Variants in ESX1 observed in about 807,000 individuals in gnomAD.
ESX1 encodes the protein ESX homeobox 1.
A neutral mutation model predicts 13.2 loss-of-function variants in ESX1; 2 were observed. That is an observed-to-expected ratio of 0.15 (90% CI 0.06 to 0.48). The LOEUF is 0.48. Among genes scored for constraint, ESX1 ranks in the 20% least tolerant of loss-of-function variants. The probability of loss-of-function intolerance (pLI) is 0.97; values close to 1 mark genes in which losing one functional copy is unlikely to be tolerated. For synonymous variants in ESX1, 157 were observed against 163.1 expected, an observed-to-expected ratio of 0.96 and a Z score of 0.29; for missense variants, 307 against 379.0, an observed-to-expected ratio of 0.81 and a Z score of 1.58.
intron 2 of ESX1, 76 bp downstream of exon 2, chrX:104,254,078 G>C: frequency 9.0e-7 from 1 of 1,113,175 alleles, no homozygotes. Context: ...CAGCGCCCGT[G>C]AGCCCCCTAC....
At position 104,254,538 on chromosome X, in the gene ESX1, C is replaced by T. The variant is rs1556395483; in HGVS notation, c.122G>A (p.Gly41Glu). Residue 41 changes from glycine to glutamate, a missense_variant, in exon 2 of 4, where the codon GGA becomes GAA. Around this residue, in one of 3 missense-constraint regions of ESX1, gnomAD observed 152 missense variants for 114.5 expected, o/e 1.33. Transcript: ENST00000372588. ...LTVTSLMARG[G>E]EDEENTRSKP... ...GGACCGTGTATTCTCCTCGTCCTCT[C>T]CTCCCCTTGCCATCAGCGAGGTCAC... The T allele has an allele frequency of 7.4e-6, 9 of 1,208,621 alleles. No homozygotes were observed. The highest frequency in any genetic ancestry group is 1.8e-5 in the South Asian group (1 of 56,784).
chrX:104,250,773 C>A lies in ESX1; in HGVS notation c.676G>T (p.Ala226Ser). The change falls in exon 4 of 4, where the codon GCT (alanine) becomes TCT (serine). Residue 226 changes from alanine to serine, a missense_variant. Physicochemically the swap from Ala to Ser is moderately conservative, Grantham distance 99 (BLOSUM62 1). Coordinates refer to ENST00000372588, the MANE Select transcript of ESX1 (RefSeq NM_153448.4). ...DMFLGGAYYA[A>S]PALDPALCVH... ...CACAAAGCAGGATCCAGAGCAGGAGCAGCATAATAGGCCCCACCCAAGAAC... is the reference window on the plus strand; with the variant it reads ...CACAAAGCAGGATCCAGAGCAGGAGAAGCATAATAGGCCCCACCCAAGAAC... 8.3e-7 allele frequency: 1 copy of A among 1,211,585 alleles called. No homozygotes were observed. Among genetic ancestry groups the A allele is most frequent in the Non-Finnish European group, 1.1e-6 (1 of 895,459 alleles).
At position 104,250,493 on chromosome X, in the gene ESX1, G is replaced by T; in HGVS notation, c.956C>A (p.Ala319Glu). ...CATGGGCGGCCCGGGTGGCACAGGC[G>T]CCATGGGCGGCCCGGTTGGCACAGG... Reference protein sequence around the residue: ...MAPVPTGPPMAPVPPGPPMAR... With the variant: ...MAPVPTGPPMEPVPPGPPMAR... Residue 319 changes from alanine to glutamate, a missense_variant, in exon 4 of 4, where the codon GCG (alanine) becomes GAG (glutamate). Physicochemically the swap from Ala to Glu is moderately radical, Grantham distance 107. Coordinates refer to ENST00000372588, the MANE Select transcript of ESX1 (RefSeq NM_153448.4). 1.0e-6 allele frequency: 1 copy of T among 994,798 alleles called. No individual in the cohort carries two copies. Among genetic ancestry groups the T allele is most frequent in the Non-Finnish European group, 1.3e-6 (1 of 788,814 alleles). The allele number at this position is 994,798 out of a possible 1,213,427, so 82.0% of individuals were successfully genotyped here. A position where few individuals can be genotyped will look rare whatever the true frequency, so the allele number is the denominator to read the frequency against.
rs1556394130 is a variant in ESX1, at chrX:104,250,763, A to G, written c.686T>C (p.Leu229Pro). The G allele has an allele frequency of 2.5e-6, 3 of 1,211,926 alleles. No homozygotes were observed. The highest frequency in any genetic ancestry group is 3.3e-6 in the Non-Finnish European group (3 of 895,558). ...CAGATGAACACACAAAGCAGGATCC[A>G]GAGCAGGAGCAGCATAATAGGCCCC... The part of the protein sequence containing the change: ...LGGAYYAAPA[L>P]DPALCVHLVP... The change falls in exon 4 of 4, where the codon CTG (leucine) becomes CCG (proline). Residue 229 changes from leucine (L) to proline (P), a missense_variant. By Grantham distance (98) the Leu-to-Pro change is moderately conservative. Around this residue, in one of 3 missense-constraint regions of ESX1, gnomAD observed 108 missense variants for 147.5 expected, o/e 0.73. Transcript: ENST00000372588.
intron 3 of ESX1, among the ~76,000 whole-genome samples, chrX:104,251,689 A>AT (rs1289618748): frequency 3.3e-4 from 37 of 112,425 alleles, no homozygotes; most frequent in Admixed American, 3.2e-3. Flanking sequence ...AAAATTAGTC[A>AT]TAACTGCCTG....
At chrX:104,251,016 TTTCTTA>T (rs1450121346) in intron 3 of ESX1, 120 bp from the exon 4 acceptor site, 1 of 629,120 alleles carries the variant, frequency 1.6e-6, no homozygotes, top group Non-Finnish European at 2.4e-6. Context: ...GTGAAGCTAT[TTTCTTA>T]TTGCTGAAAT....
In ESX1 at chrX:104,252,819, A is replaced by T; in HGVS notation, c.516T>A (p.Leu172=). Reference sequence around the variant, plus strand: ...CTTCAGTCAAATTCAGGCGTGCTGCAAGTCTCTCTCTTAGGGGAGAAAATT... The same window carrying T: ...CTTCAGTCAAATTCAGGCGTGCTGCTAGTCTCTCTCTTAGGGGAGAAAATT... The part of the protein sequence containing the change: ...QYPDVVARER[L]AARLNLTEDR... Residue 172 remains leucine, a synonymous_variant, in exon 3 of 4, where the codon CTT becomes CTA. Transcript: ENST00000372588. The T allele has an allele frequency of 8.3e-7, 1 of 1,209,096 alleles. No homozygotes were observed. Among genetic ancestry groups the T allele is most frequent in the Non-Finnish European group, 1.1e-6 (1 of 893,234 alleles).
In ESX1 at chrX:104,250,614, C is replaced by T. The variant is rs782584621; in HGVS notation, c.835G>A (p.Gly279Ser). The change falls in exon 4 of 4, where the codon GGC becomes AGC. Residue 279 changes from glycine to serine, a missense_variant. Physicochemically the swap from Gly to Ser is moderately conservative, Grantham distance 56. This residue lies in a region of ESX1 where 108 missense variants were observed against 147.5 expected (regional missense o/e 0.73). Transcript: ENST00000372588. ...PMPPMAPVPPGSRMAPVPPGP... is the reference protein window; with the variant it reads ...PMPPMAPVPPSSRMAPVPPGP... ...GGTGGCACAGGCGCCATGCGTGAGC[C>T]GGGTGGCACAGGCGCCATGGGTGGC... 49 of 1,197,392 alleles carry T rather than the reference C, an allele frequency of 4.1e-5. No homozygotes were observed. In the South Asian group the frequency reaches 4.7e-4, roughly 12 times the overall value.
chrX:104,251,363 G>C (rs1556394329), intron 3 of ESX1, among the ~76,000 whole-genome samples: 2 of 111,873 alleles, frequency 1.8e-5, no homozygotes, highest in African/African-American at 6.5e-5. Context: ...AAGCAGCTCA[G>C]CAAACCTTTC....
Position 104,252,886 on chromosome X carries a change from T to C in ESX1, c.507-58A>G, listed in dbSNP as rs1418918105. ...TGGAGTTGTGGATAAAATGCAATAA[T>C]ATGAACGTGGCTCGGCTCAGCACTT... is the stretch of plus-strand genomic sequence containing the variant. On this transcript the variant is annotated intron_variant, in intron 2 of 3. Transcript: ENST00000372588. 11 of 1,084,835 alleles carry C rather than the reference T, an allele frequency of 1.0e-5. No individual in the cohort carries two copies. The African/African-American group carries it at 1.8e-4, about 18-fold the overall frequency. The allele number at this position is 1,084,835 out of a possible 1,213,427, so 89.4% of individuals were successfully genotyped here. A position where few individuals can be genotyped will look rare whatever the true frequency, so the allele number is the denominator to read the frequency against.
At chrX:104,254,087 A>G in intron 2 of ESX1, 67 bp downstream of exon 2, 3 of 1,132,213 alleles carry the variant, frequency 2.6e-6, no homozygotes, top group Non-Finnish European at 3.5e-6. Flanking sequence ...TGAGCCCCCT[A>G]CGTGGCTTTT....
intron 3 of ESX1, 121 bp from the exon 4 acceptor site, chrX:104,251,017 T>A: frequency 1.6e-6 from 1 of 623,114 alleles, no homozygotes; most frequent in Non-Finnish European, 2.4e-6. Context: ...TGAAGCTATT[T>A]TCTTATTGCT....
chrX:104,253,474 T>C (rs1017775398), intron 2 of ESX1, among the ~76,000 whole-genome samples: 5 of 111,526 alleles, frequency 4.5e-5, no homozygotes, highest in African/African-American at 1.6e-4. Context: ...TATTTCTGTT[T>C]ATCGTAAAAA....
rs1421909367 is a variant in ESX1 at position 104,254,354 on chromosome X, G to T, written c.306C>A (p.Pro102=). Residue 102 remains proline (P), a synonymous_variant, in exon 2 of 4, where the codon CCC becomes CCA. Transcript: ENST00000372588. ...TKPEQQQEEP[P]LLELKQEQEE... is the part of the protein sequence containing the mutation. ...CCTGCTCTTGCTTCAGCTCGAGCAGGGGCGGCTCCTCCTGCTGTTGCTCCG... is the reference window on the plus strand; with the variant it reads ...CCTGCTCTTGCTTCAGCTCGAGCAGTGGCGGCTCCTCCTGCTGTTGCTCCG... 8.3e-7 allele frequency: 1 copy of T among 1,209,446 alleles called. No individual in the cohort carries two copies. The highest frequency in any genetic ancestry group is 1.1e-6 in the Non-Finnish European group (1 of 895,007).
chrX:104,254,871 G>A lies in ESX1; in HGVS notation c.-22C>T. The A allele has an allele frequency of 1.7e-6, 2 of 1,163,634 alleles. No individual in the cohort carries two copies. The highest frequency in any genetic ancestry group is 2.3e-6 in the Non-Finnish European group (2 of 852,209). On this transcript the variant is annotated 5_prime_UTR_variant, in exon 1 of 4. Transcript: ENST00000372588. ...CCATGCTTCAAGCGCTGTCGATAAA[G>A]CTGTGCACTTCTGCAGACTCTGTGC...
At chrX:104,254,677 A>G in intron 1 of ESX1, 91 bp downstream of exon 1, 1 of 1,143,638 alleles carries the variant, frequency 8.7e-7, no homozygotes, top group African/African-American at 1.8e-5. Flanking sequence ...CAACTGCGAC[A>G]GCCGCGCAGC....
chrX:104,250,079 TG>T lies in ESX1; in HGVS notation c.*148del. On this transcript the variant is annotated 3_prime_UTR_variant, in exon 4 of 4. Coordinates refer to ENST00000372588, the MANE Select transcript of ESX1 (RefSeq NM_153448.4). ...CTTTATTGAAAATACTACAATTATG[TG>T]GCCTACAAAAATAACAGGGCATTCG... is the stretch of plus-strand genomic sequence containing the variant. The T allele has an allele frequency of 1.4e-6, 1 of 697,860 alleles. No individual in the cohort carries two copies. The highest frequency in any genetic ancestry group is 2.0e-6 in the Non-Finnish European group (1 of 496,534). The allele number at this position is 697,860 out of a possible 1,213,427, so 57.5% of individuals were successfully genotyped here. A position where few individuals can be genotyped will look rare whatever the true frequency, so the allele number is the denominator to read the frequency against.
intron 3 of ESX1, 53 bp downstream of exon 3, chrX:104,252,730 A>C: frequency 9.0e-7 from 1 of 1,115,817 alleles, no homozygotes; most frequent in Non-Finnish European, 1.2e-6. Flanking sequence ...CAAAACCTAA[A>C]GCATGCTTTA....
Position 104,252,556 on chromosome X carries a change from A to T in ESX1, c.552+227T>A, listed in dbSNP as rs145879254. On this transcript the variant is annotated intron_variant, in intron 3 of 3. Transcript: ENST00000372588. Reference sequence around the variant, plus strand: ...AGATATAGAAGGAAGATGAAAACACATCTTTTTTTCCTTTAGGAAATCATA... The same window carrying T: ...AGATATAGAAGGAAGATGAAAACACTTCTTTTTTTCCTTTAGGAAATCATA... Among the ~76,000 whole-genome samples the T allele has an allele frequency of 1.9e-3, 209 of 112,328 alleles. 2 individuals are homozygous for T. The highest frequency in any genetic ancestry group is 6.1e-3 in the African/African-American group (189 of 30,939).
Sources: gnomAD v4.1 joint callset for allele counts (sites outside exome capture counted in the v4.1 genomes callset) on GRCh38, gnomAD v4.1.1 for gene constraint, gnomAD v4.1.1 regional missense constraint, MANE v1.5 for transcripts, NCBI Gene and HGNC (gene_info 2026-07-23, HGNC 2026-07-21) for gene names.